Variants in RELN observed in about 807,000 individuals in gnomAD.
The protein encoded by RELN is reelin.
RELN carries 108 observed loss-of-function variants against 427.6 expected under a neutral mutation model. That is an observed-to-expected ratio of 0.25 (90% CI 0.22 to 0.30). The LOEUF is 0.30. Ranked by LOEUF, RELN falls within the 10% of genes least tolerant of loss-of-function variation. RELN has a pLI of 1.00. For missense variants in RELN, 3,715 were observed against 4,302.8 expected (o/e 0.86, Z 3.82); for synonymous variants, 1,524 against 1,513.4 (o/e 1.01, Z -0.16).
intron 28 of RELN, among the ~76,000 whole-genome samples, chr7:103,587,727 T>C (rs1344428621): frequency 6.6e-6 from 1 of 152,108 alleles, no homozygotes; most frequent in Admixed American, 6.6e-5. Flanking sequence ...AGGCCATGAA[T>C]AGACATTTCT....
intron 3 of RELN, among the ~76,000 whole-genome samples, chr7:103,831,303 A>G (rs908995777): frequency 2.0e-5 from 3 of 152,118 alleles, no homozygotes; most frequent in Admixed American, 2.0e-4. Context: ...GATCACTATT[A>G]AGTTAAAGGT....
At chr7:103,945,315 C>A (rs924859850) in intron 1 of RELN, among the ~76,000 whole-genome samples, 1 of 152,166 alleles carries the variant, frequency 6.6e-6, no homozygotes, top group African/African-American at 2.4e-5. Flanking sequence ...TGACCATGAA[C>A]ACTCATAATC....
intron 63 of RELN, among the ~76,000 whole-genome samples, chr7:103,482,633 C>T (rs193050618): frequency 2.0e-5 from 3 of 152,298 alleles, no homozygotes; most frequent in Non-Finnish European, 1.5e-5. Flanking sequence ...ATATTGTCAA[C>T]CCTTAAATAA....
At chr7:103,796,368 A>T (rs536145583) in intron 3 of RELN, among the ~76,000 whole-genome samples, 1 of 152,286 alleles carries the variant, frequency 6.6e-6, no homozygotes, top group South Asian at 2.1e-4. Flanking sequence ...CCTAATTCAA[A>T]TTTCTGGAAT....
Position 103,833,679 on chromosome 7 carries a change from GA to G in RELN, c.338-8del. 1.9e-6 allele frequency: 3 copies of G among 1,612,348 alleles called. No homozygotes were observed. Among genetic ancestry groups the G allele is most frequent in the Non-Finnish European group, 2.5e-6 (3 of 1,178,802 alleles). ...TGGTGGTCAGACATGATCCCTAAGA[GA>G]AAGGAAGGAGAGTTGTTACAAAGAC... On this transcript the variant is annotated splice_region_variant and splice_polypyrimidine_tract_variant and intron_variant, in intron 2 of 64. Transcript: ENST00000428762.
intron 12 of RELN, among the ~76,000 whole-genome samples, chr7:103,660,419 G>A (rs1452089350): frequency 1.3e-5 from 2 of 152,134 alleles, no homozygotes; most frequent in Non-Finnish European, 2.9e-5. Flanking sequence ...CAATTTCTCT[G>A]TTATCAAACA....
chr7:103,757,680 T>C (rs1791194927), intron 4 of RELN, among the ~76,000 whole-genome samples: 1 of 152,156 alleles, frequency 6.6e-6, no homozygotes. Context: ...CAGGTATTTC[T>C]GTGGTAGTGA....
At chr7:103,635,034 T>C (rs78241049) in intron 19 of RELN, among the ~76,000 whole-genome samples, 8,258 of 151,988 alleles carry the variant, frequency 0.054, 771 homozygotes, top group African/African-American at 0.19. Flanking sequence ...TTTTTTTTCG[T>C]ATTTTTAGTA....
At chr7:103,945,076 G>A (rs1779776792) in intron 1 of RELN, among the ~76,000 whole-genome samples, 1 of 152,158 alleles carries the variant, frequency 6.6e-6, no homozygotes, top group African/African-American at 2.4e-5. Flanking sequence ...ATTACAAGAT[G>A]AATTGTGACA....
At chr7:103,624,866 TAA>T (rs1048612402) in intron 20 of RELN, among the ~76,000 whole-genome samples, 6 of 151,644 alleles carry the variant, frequency 4.0e-5, no homozygotes, top group Non-Finnish European at 7.4e-5. Context: ...ACTTGTGTTT[TAA>T]AAAAAAAGCT....
intron 6 of RELN, among the ~76,000 whole-genome samples, chr7:103,737,943 A>G (rs973540745): frequency 3.3e-5 from 5 of 151,926 alleles, no homozygotes; most frequent in African/African-American, 1.2e-4. Flanking sequence ...AAACAACTTT[A>G]TTTGTGGCTT....
At chr7:103,564,634 G>A (rs1347460324) in intron 34 of RELN, among the ~76,000 whole-genome samples, 2 of 152,012 alleles carry the variant, frequency 1.3e-5, no homozygotes, top group South Asian at 4.1e-4. Flanking sequence ...GTAGGAGGCT[G>A]GGAAATGCAG....
At chr7:103,986,629 T>TAAAA (rs34403864) in intron 1 of RELN, among the ~76,000 whole-genome samples, 4 of 102,296 alleles carry the variant, frequency 3.9e-5, no homozygotes, top group East Asian at 3.1e-4. Flanking sequence ...TTCTTTTAGG[T>TAAAA]AAAAAAAAAA....
intron 64 of RELN, among the ~76,000 whole-genome samples, chr7:103,474,748 T>C (rs1205262942): frequency 6.6e-6 from 1 of 152,022 alleles, no homozygotes; most frequent in East Asian, 1.9e-4. Context: ...TTATAGTTCT[T>C]TCCCTGAGCT....
Position 103,889,552 on chromosome 7 carries a change from C to T in RELN, c.337+27523G>A, listed in dbSNP as rs113921319. ...GGAAATCTTTTTACTTTTCAGTCAC[C>T]GTTGATACAAACGGGCTTAGATGGA... On this transcript the variant is annotated intron_variant, in intron 2 of 64. Coordinates refer to ENST00000428762, the MANE Select transcript of RELN (RefSeq NM_005045.4). 5.8e-3 allele frequency among the ~76,000 whole-genome samples: 882 copies of T among 152,180 alleles called. 8 individuals carry two copies. The highest frequency in any genetic ancestry group is 0.02 in the African/African-American group (839 of 41,514).
At chr7:103,926,100 T>G (rs890275355) in intron 1 of RELN, among the ~76,000 whole-genome samples, 1 of 17,724 alleles carries the variant, frequency 5.6e-5, no homozygotes, top group Non-Finnish European at 1.5e-4. Context: ...CCACCCCGCC[T>G]TTTTTTTTTT....
chr7:103,987,801 T>G (rs1797134283), intron 1 of RELN, among the ~76,000 whole-genome samples: 1 of 152,186 alleles, frequency 6.6e-6, no homozygotes, highest in African/African-American at 2.4e-5. Context: ...AACATTAATT[T>G]TCCAAAATTA....
At chr7:103,976,905 AG>A (rs758497929) in intron 1 of RELN, among the ~76,000 whole-genome samples, 1 of 151,744 alleles carries the variant, frequency 6.6e-6, no homozygotes, top group African/African-American at 2.4e-5. Context: ...TACAAAAATG[AG>A]TGGGGTATGG....
intron 12 of RELN, among the ~76,000 whole-genome samples, chr7:103,657,569 T>C (rs1043185155): frequency 8.5e-5 from 13 of 152,070 alleles, no homozygotes; most frequent in Non-Finnish European, 1.5e-5. Flanking sequence ...TTCTCTCTGC[T>C]CTCTTAAGAA....
Sources: allele counts gnomAD v4.1 joint callset (sites outside exome capture counted in the v4.1 genomes callset), GRCh38; gene constraint gnomAD v4.1.1; transcripts MANE v1.5; gene names NCBI Gene and HGNC (gene_info 2026-07-23, HGNC 2026-07-21).